SSBP2: variants seen among roughly 807,000 people sequenced by gnomAD.
The protein encoded by SSBP2 is single stranded DNA binding protein 2, also known as single-stranded DNA-binding protein 2.
A neutral mutation model predicts 61.8 loss-of-function variants in SSBP2; 17 were observed. The observed-to-expected ratio is 0.28, with a 90% CI of 0.19 to 0.41. The LOEUF (loss-of-function observed/expected upper bound fraction) is 0.41. Among genes scored for constraint, SSBP2 ranks in the 10% least tolerant of loss-of-function variants. The pLI is 1.00. For synonymous variants in SSBP2, 139 were observed against 141.3 expected, an observed-to-expected ratio of 0.98 and a Z score of 0.12; for missense variants, 310 against 458.7, an observed-to-expected ratio of 0.68 and a Z score of 2.96.
chr5:81,687,822 GC>G (rs1267485071), intron 1 of SSBP2, among the ~76,000 whole-genome samples: 1 of 152,188 alleles, frequency 6.6e-6, no homozygotes, highest in Non-Finnish European at 1.5e-5. Flanking sequence ...TGACTAAAGA[GC>G]CCTTGGGGCC....
chr5:81,677,040 T>C (rs181032980), intron 1 of SSBP2, among the ~76,000 whole-genome samples: 1 of 152,348 alleles, frequency 6.6e-6, no homozygotes, highest in East Asian at 1.9e-4. Flanking sequence ...GGTAAAGTGT[T>C]ATGATCTTCC....
At chr5:81,627,272 G>C (rs919127053) in intron 3 of SSBP2, among the ~76,000 whole-genome samples, 4 of 151,432 alleles carry the variant, frequency 2.6e-5, no homozygotes, top group Admixed American at 2.6e-4. Flanking sequence ...TTTTAGTTTT[G>C]TTCTCTATGG....
intron 5 of SSBP2, among the ~76,000 whole-genome samples, chr5:81,501,396 G>A (rs1430333674): frequency 6.7e-6 from 1 of 148,618 alleles, no homozygotes; most frequent in Admixed American, 6.7e-5. Flanking sequence ...TGATGTCAGA[G>A]AGTATTTGTA....
chr5:81,530,480 TTGATGA>T (rs769461778), intron 4 of SSBP2, among the ~76,000 whole-genome samples: 1 of 152,064 alleles, frequency 6.6e-6, no homozygotes, highest in Admixed American at 6.6e-5. Context: ...CATCATCTTG[TTGATGA>T]TTGTTACACA....
intron 4 of SSBP2, among the ~76,000 whole-genome samples, chr5:81,516,561 C>G (rs948800921): frequency 1.3e-5 from 2 of 152,022 alleles, no homozygotes; most frequent in East Asian, 3.9e-4. Flanking sequence ...ATTCACTCTG[C>G]TGCAATTTAT....
At chr5:81,552,906 T>C (rs557134738) in intron 4 of SSBP2, among the ~76,000 whole-genome samples, 90 of 152,164 alleles carry the variant, frequency 5.9e-4, no homozygotes, top group Non-Finnish European at 1.1e-3. Context: ...TTACACAGCA[T>C]GTAATATTAT....
chr5:81,660,222 G>A (rs1359690538), intron 1 of SSBP2, among the ~76,000 whole-genome samples: 1 of 152,080 alleles, frequency 6.6e-6, no homozygotes, highest in Non-Finnish European at 1.5e-5. Context: ...TAGCATGAGA[G>A]TGAACAGGCA....
intron 4 of SSBP2, among the ~76,000 whole-genome samples, chr5:81,528,676 AT>A (rs1256769895): frequency 3.9e-5 from 6 of 152,230 alleles, no homozygotes; most frequent in African/African-American, 1.2e-4. Flanking sequence ...CATTTATTTC[AT>A]TGTGAAACCA....
intron 1 of SSBP2, among the ~76,000 whole-genome samples, chr5:81,665,273 T>G (rs1319855858): frequency 6.6e-6 from 1 of 152,126 alleles, no homozygotes; most frequent in African/African-American, 2.4e-5. Context: ...TAAGCAAGGC[T>G]AGAGAATAAA....
At chr5:81,501,266 TATACAC>T (rs1193438370) in intron 5 of SSBP2, among the ~76,000 whole-genome samples, 28 of 36,932 alleles carry the variant, frequency 7.6e-4, no homozygotes, top group African/African-American at 2.2e-3. Context: ...TATATATATA[TATACAC>T]ACACACACAC....
intron 1 of SSBP2, among the ~76,000 whole-genome samples, chr5:81,702,114 T>C (rs1754026250): frequency 6.6e-6 from 1 of 152,168 alleles, no homozygotes; most frequent in African/African-American, 2.4e-5. Flanking sequence ...AGCTCACGCC[T>C]GTAATCCCAG....
chr5:81,496,605 TGAA>T (rs1767301411), intron 5 of SSBP2, among the ~76,000 whole-genome samples: 1 of 152,226 alleles, frequency 6.6e-6, no homozygotes, highest in Non-Finnish European at 1.5e-5. Flanking sequence ...ATTGCTCACT[TGAA>T]GTTTTGCAAG....
chr5:81,607,943 T>C (rs1185651274), intron 4 of SSBP2, among the ~76,000 whole-genome samples: 1 of 152,214 alleles, frequency 6.6e-6, no homozygotes, highest in Non-Finnish European at 1.5e-5. Flanking sequence ...ACAGTTATGC[T>C]ATCCAAGTCA....
intron 1 of SSBP2, among the ~76,000 whole-genome samples, chr5:81,685,584 G>A (rs1752711233): frequency 6.6e-6 from 1 of 152,130 alleles, no homozygotes; most frequent in South Asian, 2.1e-4. Context: ...AACCAGAGAA[G>A]GGGAGGCTTA....
At chr5:81,549,605 C>A (rs1772017195) in intron 4 of SSBP2, among the ~76,000 whole-genome samples, 1 of 152,126 alleles carries the variant, frequency 6.6e-6, no homozygotes, top group Non-Finnish European at 1.5e-5. Context: ...ATAGCCTCCA[C>A]CTATAATGGT....
intron 16 of SSBP2, among the ~76,000 whole-genome samples, chr5:81,424,615 GTAA>G (rs1314877711): frequency 6.6e-6 from 1 of 152,120 alleles, no homozygotes; most frequent in Non-Finnish European, 1.5e-5. Context: ...TCCTGAGGCT[GTAA>G]AATGCTCATG....
chr5:81,559,119 T>C (rs1348514400), intron 4 of SSBP2, among the ~76,000 whole-genome samples: 1 of 151,440 alleles, frequency 6.6e-6, no homozygotes, highest in Non-Finnish European at 1.5e-5. Context: ...CTGGGTGCGG[T>C]GCTCACGCCT....
intron 1 of SSBP2, among the ~76,000 whole-genome samples, chr5:81,658,282 T>A (rs542897707): frequency 6.6e-6 from 1 of 152,276 alleles, no homozygotes; most frequent in Admixed American, 6.5e-5. Context: ...TGTTTTTAGA[T>A]TCCATACAAC....
chr5:81,528,763 T>C (rs1452877006), intron 4 of SSBP2, among the ~76,000 whole-genome samples: 1 of 152,064 alleles, frequency 6.6e-6, no homozygotes, highest in African/African-American at 2.4e-5. Flanking sequence ...AAGGCATTAG[T>C]AGATACAAAG....
Sources: gnomAD v4.1 joint callset for allele counts (sites outside exome capture counted in the v4.1 genomes callset) on GRCh38, gnomAD v4.1.1 for gene constraint, MANE v1.5 for transcripts, NCBI Gene and HGNC (gene_info 2026-07-23, HGNC 2026-07-21) for gene names.